Variants in SPNS3 observed in about 807,000 individuals in gnomAD.
SPNS3 encodes the protein protein spinster homolog 3.
SPNS3 carries 51 observed loss-of-function variants against 54.4 expected under a neutral mutation model. The observed-to-expected ratio is 0.94, with a 90% CI of 0.75 to 1.18. SPNS3 has a LOEUF of 1.18. SPNS3 is among the 50% of genes most tolerant of loss of function. The pLI, the probability that SPNS3 is intolerant of heterozygous loss-of-function variation, is 0.00. For missense variants in SPNS3, 669 were observed against 677.4 expected (o/e 0.99, Z 0.14); for synonymous variants, 309 against 294.7 (o/e 1.05, Z -0.50).
At position 4,486,970 on chromosome 17, in the gene SPNS3, A is replaced by T. The variant is rs770026648; in HGVS notation, c.1450+387A>T. Among the ~76,000 whole-genome samples the T allele has an allele frequency of 9.2e-5, 14 of 151,946 alleles. No homozygotes were observed. The highest frequency in any genetic ancestry group is 2.7e-4 in the African/African-American group (11 of 41,334). On this transcript the variant is annotated intron_variant, in intron 11 of 11. Coordinates refer to ENST00000355530, the MANE Select transcript of SPNS3 (RefSeq NM_182538.5). This position sits in a 1 kb window ranked among gnomAD's most constrained non-coding sequence, Gnocchi z 5.5. ...GGGCGGATTACAAGGTTAGGAGTTC[A>T]AGACCAGCCTGGGCAACATGGTGAA...
chr17:4,435,320 G>A (rs1427232707), intron 1 of SPNS3, among the ~76,000 whole-genome samples: 5 of 151,622 alleles, frequency 3.3e-5, no homozygotes, highest in African/African-American at 1.2e-4. Flanking sequence ...CTACTGGGGA[G>A]GCTGAGGCAG....
rs763341606 is a variant in SPNS3 at position 4,486,368 on chromosome 17, G to T, written c.1278+42G>T. On this transcript the variant is annotated intron_variant, in intron 10 of 11. Coordinates refer to ENST00000355530, the MANE Select transcript of SPNS3 (RefSeq NM_182538.5). The surrounding 1 kb of genome is among the most constrained non-coding windows in gnomAD (Gnocchi z 5.5). Reference sequence around the variant, plus strand: ...TGTGTGGGGTGGGGAGGGTCTGGGGGCCAGGCTGGTGGGCCTGGCAGACTC... The same window carrying T: ...TGTGTGGGGTGGGGAGGGTCTGGGGTCCAGGCTGGTGGGCCTGGCAGACTC... 1 of 1,597,686 alleles carries T rather than the reference G, an allele frequency of 6.3e-7. No individual in the cohort carries two copies. Among genetic ancestry groups the T allele is most frequent in the Admixed American group, 1.8e-5 (1 of 57,090 alleles).
chr17:4,434,133 C>T lies in SPNS3; in HGVS notation c.166C>T (p.Leu56Phe). 1.9e-6 allele frequency: 3 copies of T among 1,612,184 alleles called. No individual in the cohort carries two copies. Among genetic ancestry groups the T allele is most frequent in the Middle Eastern group, 1.7e-4 (1 of 6,042 alleles). ...TGCCGCCGTCCTCTGCTACATCAAC[C>T]TCCTGAATTACATGAACTGGTTCAT... ...VAAAVLCYIN[L>F]LNYMNWFIIA... Residue 56 changes from leucine to phenylalanine, a missense_variant, in exon 1 of 12, where the codon CTC becomes TTC. Leu to Phe is a conservative substitution (Grantham distance 22). Coordinates refer to ENST00000355530, the MANE Select transcript of SPNS3 (RefSeq NM_182538.5).
At chr17:4,472,568 T>C (rs945132565) in intron 8 of SPNS3, among the ~76,000 whole-genome samples, 1 of 152,188 alleles carries the variant, frequency 6.6e-6, no homozygotes, top group Non-Finnish European at 1.5e-5. Flanking sequence ...CCCTCAGGCC[T>C]TGAGTGGAGT....
intron 8 of SPNS3, among the ~76,000 whole-genome samples, chr17:4,477,886 T>C (rs1349074429): frequency 2.0e-5 from 3 of 151,994 alleles, no homozygotes; most frequent in Non-Finnish European, 4.4e-5. Context: ...ATACGGACTT[T>C]TGGGGAAAAC....
At chr17:4,450,866 C>T (rs1026197947) in intron 7 of SPNS3, among the ~76,000 whole-genome samples, 2 of 151,734 alleles carry the variant, frequency 1.3e-5, no homozygotes, top group Admixed American at 1.3e-4. Context: ...CCTCAGCCTC[C>T]CGAAGTGCTG....
Position 4,487,834 on chromosome 17 carries a change from C to A in SPNS3, c.1479C>A (p.Ser493Arg). 1 of 1,614,128 alleles carries A rather than the reference C, an allele frequency of 6.2e-7. No individual in the cohort carries two copies. ...TGTPDSNDVD[S>R]NDLERQGLLS... ...CCCCAGACAGCAATGATGTGGACAG[C>A]AACGACCTGGAGAGACAAGGCCTAC... The change falls in exon 12 of 12, where the codon AGC (serine) becomes AGA (arginine). Residue 493 changes from serine (S) to arginine (R), a missense_variant. Coordinates refer to ENST00000355530, the MANE Select transcript of SPNS3 (RefSeq NM_182538.5).
At position 4,434,174 on chromosome 17, in the gene SPNS3, G is replaced by A. The variant is rs752465158; in HGVS notation, c.199+8G>A. On this transcript the variant is annotated splice_region_variant and intron_variant, in intron 1 of 11. Coordinates refer to ENST00000355530, the MANE Select transcript of SPNS3 (RefSeq NM_182538.5). ...ACTGGTTCATCATTGCAGGTGAGGA[G>A]GGGATGGCTACCCTGGGCAGTACCT... is the stretch of plus-strand genomic sequence containing the variant. The A allele has an allele frequency of 1.9e-6, 3 of 1,605,084 alleles. No homozygotes were observed. The highest frequency in any genetic ancestry group is 1.1e-5 in the South Asian group (1 of 89,920).
chr17:4,476,393 T>A (rs529589267), intron 8 of SPNS3, among the ~76,000 whole-genome samples: 1 of 151,792 alleles, frequency 6.6e-6, no homozygotes, highest in Admixed American at 6.6e-5. Context: ...AAGGAAAGGG[T>A]GTATTTCAGC....
At chr17:4,452,930 G>A (rs1971204774) in intron 7 of SPNS3, 86 bp from the exon 8 acceptor site, 1 of 1,355,018 alleles carries the variant, frequency 7.4e-7, no homozygotes. Context: ...TGAGCCGAGG[G>A]GCTAGACCTG....
At chr17:4,450,355 C>CTCTG in intron 7 of SPNS3, among the ~76,000 whole-genome samples, 1 of 17,402 alleles carries the variant, frequency 5.7e-5, no homozygotes, top group Admixed American at 6.8e-4. Flanking sequence ...CTCTCCCCTC[C>CTCTG]TCTCTCTCTC....
intron 8 of SPNS3, among the ~76,000 whole-genome samples, chr17:4,466,569 C>T (rs1204521654): frequency 1.4e-5 from 2 of 144,790 alleles, no homozygotes; most frequent in East Asian, 4.0e-4. Flanking sequence ...TGGCCAGGCA[C>T]AGTGGCTCAC....
At position 4,470,426 on chromosome 17, in the gene SPNS3, TTAAAA is replaced by T. The variant is rs571725814; in HGVS notation, c.1114-8142_1114-8138del. On this transcript the variant is annotated intron_variant, in intron 8 of 11. Transcript: ENST00000355530. Reference sequence around the variant, plus strand: ...CTGGGCAACAGAGCAAGACCCTGTCTTAAAATAATATTAGTAATAATTAATATATT... The same window carrying T: ...CTGGGCAACAGAGCAAGACCCTGTCTTAATATTAGTAATAATTAATATATT... 1.0e-3 allele frequency among the ~76,000 whole-genome samples: 156 copies of T among 152,268 alleles called. 1 individual carries two copies. Among genetic ancestry groups the T allele is most frequent in the Middle Eastern group, 3.4e-3 (1 of 294 alleles).
chr17:4,476,092 A>G (rs1466365272), intron 8 of SPNS3, among the ~76,000 whole-genome samples: 3 of 151,962 alleles, frequency 2.0e-5, no homozygotes, highest in Non-Finnish European at 4.4e-5. Flanking sequence ...AGGAGGTCAC[A>G]CCCCTTGGCT....
chr17:4,448,549 C>T (rs1971067083), intron 6 of SPNS3, among the ~76,000 whole-genome samples: 1 of 152,240 alleles, frequency 6.6e-6, no homozygotes, highest in Admixed American at 6.5e-5. Context: ...TGAGCCCCAG[C>T]CTTCCCTCTG....
rs200686928 is a variant in SPNS3 at position 4,486,256 on chromosome 17, C to T, written c.1208C>T (p.Thr403Met). ...GTGGTGGTGCCCAGATGCCGGGGGA[C>T]GGCAGAGGCACTTCAGATCACGGTG... ...LSVVVPRCRG[T>M]AEALQITVGH... Residue 403 changes from threonine (T) to methionine (M), a missense_variant, in exon 10 of 12, where the codon ACG (threonine) becomes ATG (methionine). Coordinates refer to ENST00000355530, the MANE Select transcript of SPNS3 (RefSeq NM_182538.5). This position sits in a 1 kb window ranked among gnomAD's most constrained non-coding sequence, Gnocchi z 5.5. The T allele has an allele frequency of 6.2e-5, 98 of 1,572,440 alleles. No homozygotes were observed. The highest frequency in any genetic ancestry group is 1.7e-4 in the Middle Eastern group (1 of 5,868).
chr17:4,458,583 TCCC>T (rs1434845141), intron 8 of SPNS3, among the ~76,000 whole-genome samples: 808 of 46,170 alleles, frequency 0.018, 10 homozygotes, highest in Non-Finnish European at 0.029. Flanking sequence ...CTTTCTTCCT[TCCC>T]TCCTTTCTTT....
intron 2 of SPNS3, among the ~76,000 whole-genome samples, chr17:4,441,138 A>G (rs1232710704): frequency 6.6e-6 from 1 of 152,244 alleles, no homozygotes; most frequent in Admixed American, 6.5e-5. Flanking sequence ...TGGAAATCCC[A>G]TCCTTGGCAA....
At chr17:4,436,361 G>T (rs1441617889) in intron 1 of SPNS3, among the ~76,000 whole-genome samples, 2 of 152,156 alleles carry the variant, frequency 1.3e-5, no homozygotes, top group East Asian at 3.9e-4. Flanking sequence ...CAGAGGTCAG[G>T]AGCTTCTCCT....
Sources: gnomAD v4.1 joint callset for allele counts (sites outside exome capture counted in the v4.1 genomes callset) on GRCh38, gnomAD v4.1.1 for gene constraint, Gnocchi (gnomAD v3.1) non-coding constraint, MANE v1.5 for transcripts, NCBI Gene and HGNC (gene_info 2026-07-23, HGNC 2026-07-21) for gene names.